PCDH9: variants seen among roughly 807,000 people sequenced by gnomAD.
The protein encoded by PCDH9 is protocadherin 9.
PCDH9 carries 24 observed loss-of-function variants against 70.6 expected under a neutral mutation model. The ratio of observed to expected loss-of-function variants is 0.34; its 90% CI spans 0.25 to 0.48. PCDH9 has a LOEUF of 0.48. PCDH9 is among the 20% of genes least tolerant of loss of function. The probability of loss-of-function intolerance (pLI) is 0.99; values close to 1 mark genes in which losing one functional copy is unlikely to be tolerated. For missense variants in PCDH9, 1,281 were observed against 1,503.6 expected (o/e 0.85, Z 2.45); for synonymous variants, 562 against 558.5 (o/e 1.01, Z -0.09).
intron 3 of PCDH9, among the ~76,000 whole-genome samples, chr13:66,786,495 A>G (rs2139309298): frequency 6.6e-6 from 1 of 152,330 alleles, no homozygotes; most frequent in South Asian, 2.1e-4. Flanking sequence ...CAAAATACAG[A>G]AGAAGAAAGT....
At chr13:66,463,999 T>G (rs1566345852) in intron 4 of PCDH9, among the ~76,000 whole-genome samples, 1 of 151,676 alleles carries the variant, frequency 6.6e-6, no homozygotes, top group Non-Finnish European at 1.5e-5. Flanking sequence ...AAATTTAAAT[T>G]TAACTGATGC....
At chr13:66,763,637 G>A (rs2079663100) in intron 3 of PCDH9, among the ~76,000 whole-genome samples, 1 of 152,078 alleles carries the variant, frequency 6.6e-6, no homozygotes, top group South Asian at 2.1e-4. Flanking sequence ...ACATTTGGTA[G>A]AGAGGGGAGA....
At chr13:66,739,257 G>A (rs1424317599) in intron 3 of PCDH9, among the ~76,000 whole-genome samples, 36 of 109,676 alleles carry the variant, frequency 3.3e-4, no homozygotes, top group Non-Finnish European at 5.2e-4. Context: ...CATAAGTGAA[G>A]GAGAAATAAA....
intron 3 of PCDH9, among the ~76,000 whole-genome samples, chr13:66,809,612 T>C (rs562799417): frequency 1.4e-4 from 21 of 151,956 alleles, no homozygotes; most frequent in Non-Finnish European, 2.6e-4. Context: ...TATGCAGCAA[T>C]GGTGCATGAT....
At chr13:66,983,821 T>G (rs2083830011) in intron 2 of PCDH9, among the ~76,000 whole-genome samples, 1 of 151,970 alleles carries the variant, frequency 6.6e-6, no homozygotes, top group Non-Finnish European at 1.5e-5. Context: ...TTTTTTTGTT[T>G]TTTTTTGTTT....
intron 2 of PCDH9, among the ~76,000 whole-genome samples, chr13:67,196,552 T>G (rs896259886): frequency 2.1e-4 from 32 of 152,056 alleles, no homozygotes; most frequent in Admixed American, 2.0e-3. Context: ...ATAGTGTAAA[T>G]GTATGGAGAA....
chr13:66,613,902 G>A (rs1235916548), intron 4 of PCDH9, among the ~76,000 whole-genome samples: 1 of 152,172 alleles, frequency 6.6e-6, no homozygotes, highest in Non-Finnish European at 1.5e-5. Flanking sequence ...TTAGTAAAAT[G>A]CAGGTCAGAT....
rs570837726 is a variant in PCDH9 at position 66,908,027 on chromosome 13, T to G, written c.3037-4422A>C. Among the ~76,000 whole-genome samples the G allele has an allele frequency of 5.9e-5, 9 of 152,342 alleles. No homozygotes were observed. The South Asian group carries it at 1.9e-3, about 32-fold the overall frequency. On this transcript the variant is annotated intron_variant, in intron 2 of 4. Transcript: ENST00000377865. ...ATGAAGAATTCTAAAACAGAACATT[T>G]GTTTAATAATTCCAAAGAAATTTAT...
At chr13:66,787,691 C>T (rs1163107745) in intron 3 of PCDH9, among the ~76,000 whole-genome samples, 1 of 152,128 alleles carries the variant, frequency 6.6e-6, no homozygotes, top group African/African-American at 2.4e-5. Context: ...TTGAATGATA[C>T]TTTTGAATCA....
chr13:66,951,873 G>C (rs2083187731), intron 2 of PCDH9, among the ~76,000 whole-genome samples: 1 of 152,118 alleles, frequency 6.6e-6, no homozygotes, highest in African/African-American at 2.4e-5. Flanking sequence ...CGGGGATCTA[G>C]CTGTTAAAAG....
chr13:66,828,026 T>C (rs1168217994), intron 3 of PCDH9, among the ~76,000 whole-genome samples: 1 of 152,174 alleles, frequency 6.6e-6, no homozygotes, highest in Non-Finnish European at 1.5e-5. Context: ...GTCCAGTTTC[T>C]TTACATATAA....
intron 3 of PCDH9, among the ~76,000 whole-genome samples, chr13:66,675,123 C>G (rs1256564661): frequency 6.6e-6 from 1 of 152,022 alleles, no homozygotes; most frequent in Non-Finnish European, 1.5e-5. Context: ...GATTCCTTAT[C>G]TGTAAAATAC....
At chr13:66,908,862 G>A (rs904205033) in intron 2 of PCDH9, among the ~76,000 whole-genome samples, 5 of 151,956 alleles carry the variant, frequency 3.3e-5, no homozygotes, top group Admixed American at 2.0e-4. Context: ...CACATATTTT[G>A]ATTTAAAATG....
At chr13:66,333,259 A>G (rs1311325045) in intron 4 of PCDH9, among the ~76,000 whole-genome samples, 2 of 152,180 alleles carry the variant, frequency 1.3e-5, no homozygotes, top group Admixed American at 6.5e-5. Flanking sequence ...GTCAAAGGAT[A>G]CGATGGAGAT....
At chr13:66,756,936 A>T (rs905027902) in intron 3 of PCDH9, among the ~76,000 whole-genome samples, 1 of 152,114 alleles carries the variant, frequency 6.6e-6, no homozygotes, top group African/African-American at 2.4e-5. Context: ...TCCCGGGTTC[A>T]AGCAATTCTC....
chr13:66,774,315 T>C (rs1368103893), intron 3 of PCDH9, among the ~76,000 whole-genome samples: 1 of 152,112 alleles, frequency 6.6e-6, no homozygotes, highest in Admixed American at 6.5e-5. Context: ...CTAACATGCT[T>C]GCAGTGTCCC....
intron 4 of PCDH9, among the ~76,000 whole-genome samples, chr13:66,561,078 C>T (rs1041982247): frequency 3.9e-5 from 6 of 152,326 alleles, no homozygotes; most frequent in African/African-American, 9.6e-5. Context: ...GAAGCGCGGG[C>T]GGGAACCCGG....
chr13:66,323,112 T>C (rs1359862217), intron 4 of PCDH9: 3 of 152,042 alleles, frequency 2.0e-5, no homozygotes, highest in Non-Finnish European at 4.4e-5. Context: ...CAGATGTTAA[T>C]TGTGATATGT....
chr13:66,547,493 G>T (rs540611335), intron 4 of PCDH9, among the ~76,000 whole-genome samples: 4 of 152,120 alleles, frequency 2.6e-5, no homozygotes, highest in Admixed American at 2.6e-4. Context: ...TTTTCTAACG[G>T]GTGCAAAGGT....
Sources: allele counts gnomAD v4.1 joint callset (sites outside exome capture counted in the v4.1 genomes callset), GRCh38; gene constraint gnomAD v4.1.1; transcripts MANE v1.5; gene names NCBI Gene and HGNC (gene_info 2026-07-23, HGNC 2026-07-21).